The following EHMT1 variants were observed in gnomAD, a reference collection of about 807,000 sequenced individuals.
EHMT1 encodes the protein euchromatic histone lysine methyltransferase 1, also known as histone-lysine N-methyltransferase EHMT1.
Under a neutral mutation model 147.2 loss-of-function variants are expected in EHMT1, and 15 were observed. The ratio of observed to expected loss-of-function variants is 0.10; its 90% CI spans 0.07 to 0.16. The LOEUF (loss-of-function observed/expected upper bound fraction) is 0.16. Ranked by LOEUF, EHMT1 falls within the 10% of genes least tolerant of loss-of-function variation. EHMT1 has a pLI of 1.00. For missense variants in EHMT1, 1,587 were observed against 1,772.4 expected (o/e 0.90, Z 1.88); for synonymous variants, 795 against 709.6 (o/e 1.12, Z -1.91).
chr9:137,815,029 G>T (rs572117543), intron 22 of EHMT1, among the ~76,000 whole-genome samples: 2 of 152,178 alleles, frequency 1.3e-5, no homozygotes, highest in East Asian at 3.9e-4. Flanking sequence ...GGCTAGCAGG[G>T]GTGCAATTCA....
intron 1 of EHMT1, among the ~76,000 whole-genome samples, chr9:137,656,312 G>A (rs1284502444): frequency 1.3e-5 from 2 of 152,142 alleles, no homozygotes; most frequent in African/African-American, 4.8e-5. Context: ...CCTGGGAGGT[G>A]GAAGTTGCAG....
intron 1 of EHMT1, among the ~76,000 whole-genome samples, chr9:137,702,805 G>C (rs10780184): frequency 0.34 from 51,305 of 152,180 alleles, 9,416 homozygotes; most frequent in African/African-American, 0.47. Context: ...GCCCCTGCAG[G>C]AAGCTTCTGT....
rs1317380869 is a variant in EHMT1 at position 137,777,874 on chromosome 9, C to T, written c.2019-8C>T. On this transcript the variant is annotated splice_polypyrimidine_tract_variant and splice_region_variant and intron_variant, in intron 12 of 26. Transcript: ENST00000460843. ...TCATAAACCTTTCCCCGATTTCCTC[C>T]CCTGAAGTGCTGCCGGGCCACCACT... The T allele has an allele frequency of 1.2e-6, 2 of 1,612,768 alleles. No individual in the cohort carries two copies. Among genetic ancestry groups the T allele is most frequent in the Non-Finnish European group, 8.5e-7 (1 of 1,180,022 alleles).
At chr9:137,626,083 T>G (rs1843236321) in intron 1 of EHMT1, among the ~76,000 whole-genome samples, 1 of 150,418 alleles carries the variant, frequency 6.6e-6, no homozygotes, top group Non-Finnish European at 1.5e-5. Flanking sequence ...GTCAGGCTGG[T>G]CTCAAACTCC....
At chr9:137,753,294 CGGG>C (rs1203440354) in intron 7 of EHMT1, among the ~76,000 whole-genome samples, 1 of 152,072 alleles carries the variant, frequency 6.6e-6, no homozygotes, top group East Asian at 1.9e-4. Context: ...GAGGAGGACA[CGGG>C]GGCCGTGGTG....
intron 9 of EHMT1, among the ~76,000 whole-genome samples, chr9:137,759,869 C>T (rs1263998077): frequency 6.6e-6 from 1 of 152,160 alleles, no homozygotes; most frequent in Non-Finnish European, 1.5e-5. Context: ...GGGACAGGCG[C>T]CATCGGCCTG....
At chr9:137,788,357 AC>A (rs1373485498) in intron 15 of EHMT1, 1 of 342,416 alleles carries the variant, frequency 2.9e-6, no homozygotes, top group African/African-American at 2.1e-5. Flanking sequence ...CTCCACCCGC[AC>A]CGCCTTCTGC....
intron 10 of EHMT1, among the ~76,000 whole-genome samples, chr9:137,774,018 C>G (rs1950762323): frequency 6.6e-6 from 1 of 152,180 alleles, no homozygotes; most frequent in Non-Finnish European, 1.5e-5. Flanking sequence ...CTGGTCCTCT[C>G]AGAATCCTCC....
At chr9:137,654,916 G>A (rs1428724729) in intron 1 of EHMT1, among the ~76,000 whole-genome samples, 1 of 152,194 alleles carries the variant, frequency 6.6e-6, no homozygotes, top group Non-Finnish European at 1.5e-5. Flanking sequence ...AGGCCAGCGT[G>A]GACAGCAGAG....
chr9:137,772,440 C>T (rs2136573640), intron 10 of EHMT1, among the ~76,000 whole-genome samples: 2 of 152,294 alleles, frequency 1.3e-5, no homozygotes, highest in East Asian at 3.9e-4. Flanking sequence ...GTGGCCACCT[C>T]TGCAGAGGGT....
At chr9:137,773,539 C>T (rs770597123) in intron 10 of EHMT1, among the ~76,000 whole-genome samples, 6 of 152,354 alleles carry the variant, frequency 3.9e-5, no homozygotes, top group Non-Finnish European at 8.8e-5. Flanking sequence ...TGCAGGTAGA[C>T]AGGTTGGTTG....
At position 137,786,769 on chromosome 9, in the gene EHMT1, G is replaced by C. The variant is rs1350962169; in HGVS notation, c.2383-4079G>C. ...CCCGGGCTCCCGTCTTGGTCATGTG[G>C]AGTCATCTCCCCTGTGCACAGACAG... On this transcript the variant is annotated intron_variant, in intron 15 of 26. Transcript: ENST00000460843. The surrounding 1 kb of genome is among the most constrained non-coding windows in gnomAD (Gnocchi z 4.3). The C allele has an allele frequency of 6.5e-6, 1 of 153,440 alleles. No homozygotes were observed. Among genetic ancestry groups the C allele is most frequent in the African/African-American group, 2.4e-5 (1 of 41,474 alleles). 9.5% of individuals were successfully genotyped at this position (153,440 alleles called of 1,614,324 possible).
chr9:137,817,948 GTTC>G (rs1364380269), intron 24 of EHMT1, 109 bp from the exon 25 acceptor site: 5 of 1,027,974 alleles, frequency 4.9e-6, no homozygotes, highest in Non-Finnish European at 7.7e-6. Context: ...TTCCCTGCAT[GTTC>G]TTCTGGTGTG....
intron 6 of EHMT1, chr9:137,746,620 G>A (rs950056404): frequency 6.6e-6 from 1 of 152,104 alleles, no homozygotes; most frequent in Admixed American, 6.5e-5. Context: ...AAAATATCAG[G>A]TAGGGCTGCT....
At chr9:137,834,058 C>T (rs970490064) in intron 25 of EHMT1, 3 of 509,186 alleles carry the variant, frequency 5.9e-6, no homozygotes, top group African/African-American at 3.9e-5. Flanking sequence ...CATTCCACCG[C>T]GCTGGAAGCC....
intron 1 of EHMT1, among the ~76,000 whole-genome samples, chr9:137,652,443 G>A (rs1937947119): frequency 6.6e-6 from 1 of 152,088 alleles, no homozygotes; most frequent in Non-Finnish European, 1.5e-5. Context: ...CTGGAGTGCA[G>A]TGGTGCGATC....
At chr9:137,627,487 A>T (rs1162518003) in intron 1 of EHMT1, among the ~76,000 whole-genome samples, 2 of 148,712 alleles carry the variant, frequency 1.3e-5, no homozygotes, top group African/African-American at 4.9e-5. Flanking sequence ...CTGGTCTCAA[A>T]CCCCTGATCT....
At chr9:137,818,493 C>T (rs1347837071) in intron 25 of EHMT1, among the ~76,000 whole-genome samples, 1 of 152,094 alleles carries the variant, frequency 6.6e-6, no homozygotes, top group African/African-American at 2.4e-5. Flanking sequence ...GCGCCGTGTA[C>T]CAAGACTGTA....
rs751538745 is a variant in EHMT1 at position 137,809,982 on chromosome 9, G to C, written c.2713-1479G>C. Among the ~76,000 whole-genome samples the C allele has an allele frequency of 1.0e-3, 126 of 122,240 alleles. 40 individuals carry two copies. Among genetic ancestry groups the C allele is most frequent in the African/African-American group, 6.4e-3 (117 of 18,322 alleles). 80.2% of individuals were successfully genotyped at this position (122,240 alleles called of 152,430 possible). On this transcript the variant is annotated intron_variant, in intron 18 of 26. Transcript: ENST00000460843. The stretch of plus-strand genomic sequence containing the variant: ...TGTGTGGACCGTCGGTGATGGGTCC[G>C]GAGGCGGTTCCGATGCTGCCCCTCG...
Sources: gnomAD v4.1 joint callset for allele counts (sites outside exome capture counted in the v4.1 genomes callset) on GRCh38, gnomAD v4.1.1 for gene constraint, Gnocchi (gnomAD v3.1) non-coding constraint, MANE v1.5 for transcripts, NCBI Gene and HGNC (gene_info 2026-07-23, HGNC 2026-07-21) for gene names.